Variants in SCG3 observed in about 807,000 individuals in gnomAD.
SCG3 encodes secretogranin III, also known as secretogranin-3.
Under a neutral mutation model 56.2 loss-of-function variants are expected in SCG3, and 38 were observed. The observed-to-expected ratio is 0.68, with a 90% CI of 0.52 to 0.89. The LOEUF (loss-of-function observed/expected upper bound fraction) is 0.89, where lower values mean the gene tolerates loss of function less well. Among genes scored for constraint, SCG3 ranks in the 40% least tolerant of loss-of-function variants. The probability of loss-of-function intolerance (pLI) is 0.00; values close to 1 mark genes in which losing one functional copy is unlikely to be tolerated. For missense variants in SCG3, 524 were observed against 540.7 expected (o/e 0.97, Z 0.31); for synonymous variants, 176 against 184.2 (o/e 0.96, Z 0.36).
intron 7 of SCG3, chr15:51,693,653 T>C (rs973473370): frequency 2.0e-5 from 3 of 152,254 alleles, no homozygotes; most frequent in Admixed American, 6.5e-5. Flanking sequence ...GATTGAACAT[T>C]TATATAAAGA....
At chr15:51,684,900 G>A (rs538617938) in intron 4 of SCG3, among the ~76,000 whole-genome samples, 1 of 152,260 alleles carries the variant, frequency 6.6e-6, no homozygotes, top group African/African-American at 2.4e-5. Flanking sequence ...ATATATGAGG[G>A]AATAAATGAA....
At chr15:51,681,893 A>G in intron 1 of SCG3, 56 bp downstream of exon 1, 1 of 1,440,262 alleles carries the variant, frequency 6.9e-7, no homozygotes, top group Non-Finnish European at 9.7e-7. Context: ...CGAAAAGGTA[A>G]AGTTTGGCAT....
At chr15:51,692,941 A>G (rs1238070239) in intron 7 of SCG3, among the ~76,000 whole-genome samples, 19 of 152,110 alleles carry the variant, frequency 1.2e-4, no homozygotes, top group Non-Finnish European at 1.0e-4. Flanking sequence ...TCAAGTACAC[A>G]GTACAGTATT....
At chr15:51,695,757 T>C (rs973710511) in intron 7 of SCG3, 118 bp from the exon 8 acceptor site, 3 of 646,426 alleles carry the variant, frequency 4.6e-6, no homozygotes, top group Non-Finnish European at 8.1e-6. Context: ...TGAGACCTCG[T>C]CTTTGAAAAA....
Position 51,719,632 on chromosome 15 carries a change from A to T in SCG3, c.*106A>T. The T allele has an allele frequency of 1.4e-6, 1 of 731,550 alleles. No individual in the cohort carries two copies. Among genetic ancestry groups the T allele is most frequent in the South Asian group, 1.8e-5 (1 of 54,146 alleles). 45.3% of individuals were successfully genotyped at this position (731,550 alleles called of 1,614,324 possible). A position where few individuals can be genotyped will look rare whatever the true frequency, so the allele number is the denominator to read the frequency against. On this transcript the variant is annotated 3_prime_UTR_variant, in exon 12 of 12. Coordinates refer to ENST00000220478, the MANE Select transcript of SCG3 (RefSeq NM_013243.4). Reference sequence around the variant, plus strand: ...AATTTTTTGACCCAAGGGTTATTAGAAAGTGCTGAATTTACAGTAGTTAAC... The same window carrying T: ...AATTTTTTGACCCAAGGGTTATTAGTAAGTGCTGAATTTACAGTAGTTAAC...
Position 51,682,276 on chromosome 15 carries a change from GA to G in SCG3, c.83-229del, listed in dbSNP as rs372618103. Among the ~76,000 whole-genome samples, 241 of 134,556 alleles carry G rather than the reference GA, an allele frequency of 1.8e-3. 1 individual carries two copies. Among genetic ancestry groups the G allele is most frequent in the African/African-American group, 2.5e-3 (93 of 36,940 alleles). 88.3% of individuals were successfully genotyped at this position (134,556 alleles called of 152,430 possible). ...GAACTATATGTTAAATTTCTGGTCA[GA>G]AAAAAAAAAAAGTGTGATTCTGTCA... On this transcript the variant is annotated intron_variant, in intron 1 of 11. Transcript: ENST00000220478.
chr15:51,700,888 G>A (rs893525216), intron 9 of SCG3, among the ~76,000 whole-genome samples: 1 of 152,092 alleles, frequency 6.6e-6, no homozygotes, highest in African/African-American at 2.4e-5. Flanking sequence ...GTCAACTCAT[G>A]GGATGACTTT....
rs1362860245 is a variant in SCG3 at position 51,689,230 on chromosome 15, C to T, written c.552C>T (p.Ser184=). The T allele has an allele frequency of 4.3e-6, 7 of 1,613,378 alleles. No homozygotes were observed. In the African/African-American group the frequency reaches 9.4e-5, roughly 22 times the overall value. Residue 184 remains serine (S), a synonymous_variant, in exon 6 of 12, where the codon AGC becomes AGT. Transcript: ENST00000220478. ...CCTTTTTATGATAGATCACAGAAAG[C>T]CAAGCACATACACTGGAAGATGAAG... ...KLLNLGLITE[S]QAHTLEDEVA...
At chr15:51,705,955 G>C (rs2055372173) in intron 10 of SCG3, among the ~76,000 whole-genome samples, 1 of 152,086 alleles carries the variant, frequency 6.6e-6, no homozygotes, top group Admixed American at 6.6e-5. Context: ...CATTACTCTG[G>C]GATAAGGACA....
chr15:51,696,830 C>T (rs1041756382), intron 8 of SCG3, among the ~76,000 whole-genome samples: 1 of 152,074 alleles, frequency 6.6e-6, no homozygotes, highest in African/African-American at 2.4e-5. Context: ...GGTGAGAAAT[C>T]GCCCCCATGA....
chr15:51,685,680 A>G (rs1385957596), intron 4 of SCG3, among the ~76,000 whole-genome samples: 2 of 152,220 alleles, frequency 1.3e-5, no homozygotes, highest in African/African-American at 2.4e-5. Flanking sequence ...CCAGAGGGGA[A>G]GGTAAAGGAA....
rs2055271466 is a variant in SCG3 at position 51,692,153 on chromosome 15, CT to C, written c.691-5del. On this transcript the variant is annotated splice_region_variant and splice_polypyrimidine_tract_variant and intron_variant, in intron 6 of 11. Coordinates refer to ENST00000220478, the MANE Select transcript of SCG3 (RefSeq NM_013243.4). ...TTCATTTTTTATTGATTTTTCCCCACTGGAGACTCCAATGGCAGCAATTCAA... is the reference window on the plus strand; with the variant it reads ...TTCATTTTTTATTGATTTTTCCCCACGGAGACTCCAATGGCAGCAATTCAA... The C allele has an allele frequency of 6.3e-7, 1 of 1,599,108 alleles. No individual in the cohort carries two copies. Among genetic ancestry groups the C allele is most frequent in the East Asian group, 2.2e-5 (1 of 44,730 alleles).
chr15:51,686,620 C>T (rs2055230207), intron 4 of SCG3, among the ~76,000 whole-genome samples: 1 of 152,050 alleles, frequency 6.6e-6, no homozygotes, highest in African/African-American at 2.4e-5. Context: ...TAGTGAGTCT[C>T]TGCTCCTGAA....
At position 51,688,247 on chromosome 15, in the gene SCG3, T is replaced by C. The variant is rs765553138; in HGVS notation, c.398-13T>C. 6.2e-7 allele frequency: 1 copy of C among 1,606,792 alleles called. No individual in the cohort carries two copies. The highest frequency in any genetic ancestry group is 1.1e-5 in the South Asian group (1 of 90,630). ...TGATCACTATGGTGTGAAGTTGTGGTCGTTCTGTCTAGATGATCCAGATGG... is the reference window on the plus strand; with the variant it reads ...TGATCACTATGGTGTGAAGTTGTGGCCGTTCTGTCTAGATGATCCAGATGG... On this transcript the variant is annotated splice_polypyrimidine_tract_variant and intron_variant, in intron 4 of 11. Coordinates refer to ENST00000220478, the MANE Select transcript of SCG3 (RefSeq NM_013243.4).
chr15:51,714,630 T>C (rs1400148728), intron 11 of SCG3, among the ~76,000 whole-genome samples: 1 of 152,318 alleles, frequency 6.6e-6, no homozygotes, highest in East Asian at 1.9e-4. Flanking sequence ...GCAGCACCAC[T>C]AAATCAGAAA....
intron 10 of SCG3, among the ~76,000 whole-genome samples, chr15:51,703,922 A>T (rs904814078): frequency 9.2e-5 from 14 of 151,854 alleles, no homozygotes; most frequent in African/African-American, 2.9e-4. Context: ...TACATTTTAC[A>T]TTTCCTACAT....
chr15:51,710,299 TA>T (rs923778460), intron 10 of SCG3, among the ~76,000 whole-genome samples: 5 of 152,136 alleles, frequency 3.3e-5, no homozygotes, highest in Non-Finnish European at 5.9e-5. Context: ...TTCTGATGGA[TA>T]AAAATAAAGC....
intron 8 of SCG3, 56 bp downstream of exon 8, chr15:51,696,047 T>C (rs1186675603): frequency 1.0e-6 from 1 of 996,832 alleles, no homozygotes; most frequent in Non-Finnish European, 1.6e-6. Context: ...TCAAAGTAAA[T>C]TAGGGACTTG....
At chr15:51,694,439 G>C (rs917357649) in intron 7 of SCG3, among the ~76,000 whole-genome samples, 1 of 152,136 alleles carries the variant, frequency 6.6e-6, no homozygotes, top group Admixed American at 6.6e-5. Flanking sequence ...AAAAAAGAAA[G>C]ATTCCAAATC....
Sources: gnomAD v4.1 joint callset for allele counts (sites outside exome capture counted in the v4.1 genomes callset) on GRCh38, gnomAD v4.1.1 for gene constraint, MANE v1.5 for transcripts, NCBI Gene and HGNC (gene_info 2026-07-23, HGNC 2026-07-21) for gene names.